Variants in C8orf34 observed in about 807,000 individuals in gnomAD.
C8orf34 encodes the protein uncharacterized protein C8orf34.
In C8orf34, 65 loss-of-function variants were observed where a neutral mutation model predicts 68.3. The observed-to-expected ratio is 0.95, with a 90% CI of 0.78 to 1.17. The LOEUF (loss-of-function observed/expected upper bound fraction) is 1.17. Among genes scored for constraint, C8orf34 ranks in the 50% most tolerant of loss-of-function variants. The pLI is 0.00. For synonymous variants in C8orf34, 244 were observed against 241.2 expected (o/e 1.01, Z -0.11); for missense variants, 664 against 655.4 (o/e 1.01, Z -0.14).
At chr8:68,674,965 A>T (rs1405839510) in intron 8 of C8orf34, among the ~76,000 whole-genome samples, 2 of 151,666 alleles carry the variant, frequency 1.3e-5, no homozygotes, top group African/African-American at 4.9e-5. Flanking sequence ...TAGACTTTTC[A>T]GTGGGAACTT....
chr8:68,389,990 T>G (rs559842721), intron 1 of C8orf34, among the ~76,000 whole-genome samples: 1 of 152,258 alleles, frequency 6.6e-6, no homozygotes, highest in African/African-American at 2.4e-5. Context: ...TGAGCTGCAG[T>G]TACTCTTGAA....
At chr8:68,796,486 T>G (rs1051472951) in intron 12 of C8orf34, among the ~76,000 whole-genome samples, 4 of 142,678 alleles carry the variant, frequency 2.8e-5, no homozygotes, top group African/African-American at 8.3e-5. Flanking sequence ...CCTAGTTTCA[T>G]GAGAAGCTAT....
At chr8:68,723,981 T>C (rs1821755703) in intron 10 of C8orf34, among the ~76,000 whole-genome samples, 1 of 152,148 alleles carries the variant, frequency 6.6e-6, no homozygotes. Context: ...TTAAAAATTA[T>C]CCAATTCCAG....
At chr8:68,764,672 CAAAG>C (rs1212982057) in intron 10 of C8orf34, among the ~76,000 whole-genome samples, 1 of 152,028 alleles carries the variant, frequency 6.6e-6, no homozygotes, top group Non-Finnish European at 1.5e-5. Context: ...GGGAAGGAGA[CAAAG>C]AGACAGAAGA....
At chr8:68,335,308 G>A (rs537815885) in intron 1 of C8orf34, among the ~76,000 whole-genome samples, 1 of 152,228 alleles carries the variant, frequency 6.6e-6, no homozygotes, top group Non-Finnish European at 1.5e-5. Flanking sequence ...TAATAAAAAT[G>A]ATTAGGAAAA....
chr8:68,498,432 G>T (rs1813624741), intron 5 of C8orf34, among the ~76,000 whole-genome samples: 1 of 152,088 alleles, frequency 6.6e-6, no homozygotes, highest in Admixed American at 6.6e-5. Flanking sequence ...CAATTTTTTG[G>T]CATAAACATG....
In C8orf34 at chr8:68,784,364, G is replaced by T. The variant is rs113162482; in HGVS notation, c.1456-3079G>T. Among the ~76,000 whole-genome samples the T allele has an allele frequency of 3.8e-3, 578 of 152,250 alleles. 6 individuals carry two copies. Among genetic ancestry groups the T allele is most frequent in the African/African-American group, 0.012 (506 of 41,546 alleles). On this transcript the variant is annotated intron_variant, in intron 11 of 13. Coordinates refer to ENST00000518698, the MANE Select transcript of C8orf34 (RefSeq NM_052958.4). ...TAATTTTCATCACATCCTGTCAAGG[G>T]TACATCCTATCAATATGCTGTATTG... is the stretch of plus-strand genomic sequence containing the variant.
At chr8:68,523,321 T>C (rs1220418218) in intron 6 of C8orf34, among the ~76,000 whole-genome samples, 2 of 152,174 alleles carry the variant, frequency 1.3e-5, no homozygotes, top group Admixed American at 1.3e-4. Flanking sequence ...TGTACTTTCA[T>C]TTAGTCATAA....
chr8:68,461,662 C>G, intron 3 of C8orf34, among the ~76,000 whole-genome samples: 1 of 152,170 alleles, frequency 6.6e-6, no homozygotes, highest in East Asian at 1.9e-4. Flanking sequence ...AAAGAATTTT[C>G]AACCCAGAAT....
chr8:68,491,974 C>T (rs1813332336), intron 5 of C8orf34, among the ~76,000 whole-genome samples: 1 of 152,148 alleles, frequency 6.6e-6, no homozygotes, highest in Admixed American at 6.5e-5. Context: ...TGTGACCTAT[C>T]CTTCAGCTGC....
At position 68,709,155 on chromosome 8, in the gene C8orf34, A is replaced by G. The variant is rs1458338574; in HGVS notation, c.1327+76A>G. ...ATTAAAGAAGTAAAGGAAAAAAACT[A>G]AACCAAACATCTTGCCTTGCATGAA... is the stretch of plus-strand genomic sequence containing the variant. On this transcript the variant is annotated intron_variant, in intron 9 of 13. Coordinates refer to ENST00000518698, the MANE Select transcript of C8orf34 (RefSeq NM_052958.4). 2.7e-5 allele frequency: 30 copies of G among 1,092,368 alleles called. 1 individual carries two copies. The East Asian group carries it at 7.1e-4, about 26-fold the overall frequency. The allele number at this position is 1,092,368 out of a possible 1,614,324, so 67.7% of individuals were successfully genotyped here. A position where few individuals can be genotyped will look rare whatever the true frequency, so the allele number is the denominator to read the frequency against.
chr8:68,741,779 C>T, intron 10 of C8orf34, among the ~76,000 whole-genome samples: 1 of 152,170 alleles, frequency 6.6e-6, no homozygotes, highest in East Asian at 1.9e-4. Flanking sequence ...CAGATCCATC[C>T]ATGTTGTTGT....
chr8:68,554,531 C>G (rs1347449967), intron 7 of C8orf34, among the ~76,000 whole-genome samples: 1 of 152,064 alleles, frequency 6.6e-6, no homozygotes, highest in Non-Finnish European at 1.5e-5. Flanking sequence ...ATCTCAGCTG[C>G]TATTCATGGT....
chr8:68,358,731 A>C (rs1271617060), intron 1 of C8orf34, among the ~76,000 whole-genome samples: 2 of 150,630 alleles, frequency 1.3e-5, no homozygotes. Context: ...TTTGAGACAG[A>C]GTCTCGCTCT....
At chr8:68,804,780 AAAAT>A (rs1405287476) in intron 12 of C8orf34, among the ~76,000 whole-genome samples, 2 of 152,158 alleles carry the variant, frequency 1.3e-5, no homozygotes, top group African/African-American at 2.4e-5. Flanking sequence ...ACCCTGCCTC[AAAAT>A]AAATAAATAA....
At chr8:68,685,238 G>A (rs901716299) in intron 8 of C8orf34, among the ~76,000 whole-genome samples, 2 of 151,850 alleles carry the variant, frequency 1.3e-5, no homozygotes, top group African/African-American at 4.8e-5. Context: ...TATCTCTTTA[G>A]ACAAGGGTTC....
At chr8:68,341,174 T>G (rs1806054636) in intron 1 of C8orf34, among the ~76,000 whole-genome samples, 1 of 152,192 alleles carries the variant, frequency 6.6e-6, no homozygotes, top group African/African-American at 2.4e-5. Flanking sequence ...CACTTTCTAA[T>G]TTGTAGATGG....
intron 11 of C8orf34, among the ~76,000 whole-genome samples, chr8:68,786,444 A>G (rs1823848443): frequency 6.6e-6 from 1 of 152,198 alleles, no homozygotes. Context: ...ATTATTTTTA[A>G]GGACGGAAAA....
At chr8:68,367,732 C>G (rs1807342788) in intron 1 of C8orf34, among the ~76,000 whole-genome samples, 1 of 132,630 alleles carries the variant, frequency 7.5e-6, no homozygotes, top group African/African-American at 2.9e-5. Context: ...GGGAATACCA[C>G]ACTCTGGGGA....
Sources: gnomAD v4.1 joint callset for allele counts (sites outside exome capture counted in the v4.1 genomes callset) on GRCh38, gnomAD v4.1.1 for gene constraint, MANE v1.5 for transcripts, NCBI Gene and HGNC (gene_info 2026-07-23, HGNC 2026-07-21) for gene names.